The following ACOT7 variants were observed in gnomAD, a reference collection of about 807,000 sequenced individuals.
ACOT7 encodes cytosolic acyl coenzyme A thioester hydrolase.
In ACOT7, 12 loss-of-function variants were observed where a neutral mutation model predicts 40.2. The ratio of observed to expected loss-of-function variants is 0.30; its 90% confidence interval spans 0.19 to 0.48. The LOEUF (loss-of-function observed/expected upper bound fraction) is 0.48. Among genes scored for constraint, ACOT7 ranks in the 20% least tolerant of loss-of-function variants. ACOT7 has a pLI of 0.99. For synonymous variants in ACOT7, 228 were observed against 219.5 expected (o/e 1.04, Z -0.34); for missense variants, 395 against 530.8 (o/e 0.74, Z 2.51).
chr1:6,318,417 C>G (rs1640554313), intron 6 of ACOT7, 75 bp downstream of exon 6: 3 of 1,486,106 alleles, frequency 2.0e-6, no homozygotes, highest in African/African-American at 1.4e-5. Context: ...GTGTGTCAGA[C>G]AGCAGCACGG....
rs190726564 is a variant in ACOT7 at position 6,332,342 on chromosome 1, A to G, written c.510+1135T>C. ...AGGAGCTGGTCACATCTGTCCTTGGACTTGCCAATGAACTTGGGGCACAGG... is the reference window on the plus strand; with the variant it reads ...AGGAGCTGGTCACATCTGTCCTTGGGCTTGCCAATGAACTTGGGGCACAGG... On this transcript the variant is annotated intron_variant, in intron 4 of 8. Transcript: ENST00000361521. 4.1e-3 allele frequency among the ~76,000 whole-genome samples: 620 copies of G among 152,230 alleles called. 2 individuals are homozygous for G. The highest frequency in any genetic ancestry group is 0.014 in the African/African-American group (595 of 41,548).
intron 8 of ACOT7, among the ~76,000 whole-genome samples, chr1:6,266,409 G>A (rs542566855): frequency 3.0e-4 from 46 of 152,360 alleles, no homozygotes; most frequent in African/African-American, 9.9e-4. Context: ...GAGGCAGAAT[G>A]TGCTAGATCA....
chr1:6,270,040 G>C (rs922788315), intron 8 of ACOT7, among the ~76,000 whole-genome samples: 10 of 152,246 alleles, frequency 6.6e-5, no homozygotes, highest in African/African-American at 2.2e-4. Flanking sequence ...CCGCGGGGCG[G>C]TGTCTGTCCC....
At chr1:6,267,407 C>T (rs931195376) in intron 8 of ACOT7, among the ~76,000 whole-genome samples, 3 of 152,164 alleles carry the variant, frequency 2.0e-5, no homozygotes, top group South Asian at 2.1e-4. Flanking sequence ...GGGAATGGCC[C>T]GTCCAAGGCC....
At chr1:6,325,655 CAT>C (rs1640777161) in intron 5 of ACOT7, among the ~76,000 whole-genome samples, 1 of 152,178 alleles carries the variant, frequency 6.6e-6, no homozygotes, top group Admixed American at 6.6e-5. Flanking sequence ...CAGAGACACA[CAT>C]GTGAGACCAA....
At chr1:6,279,765 CCA>C (rs1307394409) in intron 8 of ACOT7, among the ~76,000 whole-genome samples, 6 of 152,174 alleles carry the variant, frequency 3.9e-5, no homozygotes, top group African/African-American at 1.4e-4. Context: ...AGCTCACACA[CCA>C]CACCTGGCGC....
Position 6,301,942 on chromosome 1 carries a change from C to T in ACOT7, c.713-6962G>A, listed in dbSNP as rs59818409. 9.7e-3 allele frequency among the ~76,000 whole-genome samples: 1,472 copies of T among 152,302 alleles called. 25 individuals are homozygous for T. The highest frequency in any genetic ancestry group is 0.033 in the African/African-American group (1,389 of 41,558). ...GGAAACCACGCAGAGTTTAGATCAG[C>T]GGCAGACCTGCTATGAAACAACAAC... On this transcript the variant is annotated intron_variant, in intron 6 of 8. Transcript: ENST00000361521. The surrounding 1 kb of genome is among the most constrained non-coding windows in gnomAD (Gnocchi z 4.1).
rs571553271 is a variant in ACOT7, at chr1:6,361,972, A to G, written c.144-12106T>C. 2.6e-5 allele frequency among the ~76,000 whole-genome samples: 4 copies of G among 152,358 alleles called. No homozygotes were observed. The East Asian group carries it at 7.7e-4, about 29-fold the overall frequency. ...TAAAGAAAAACACACACAGCTTGGC[A>G]GAGATCTGCAGATGTGGCATCCATC... On this transcript the variant is annotated intron_variant, in intron 1 of 8. Transcript: ENST00000361521.
chr1:6,327,663 T>C (rs1422611661), intron 4 of ACOT7, among the ~76,000 whole-genome samples: 1 of 152,222 alleles, frequency 6.6e-6, no homozygotes, highest in Non-Finnish European at 1.5e-5. Flanking sequence ...TGCCTACAAA[T>C]ATATAAAAAG....
intron 8 of ACOT7, among the ~76,000 whole-genome samples, chr1:6,277,622 G>A (rs1004736893): frequency 2.0e-5 from 3 of 152,302 alleles, no homozygotes; most frequent in South Asian, 2.1e-4. Flanking sequence ...TTTGGCCCTC[G>A]CCGTTCCCTT....
chr1:6,276,428 G>A (rs1024971478), intron 8 of ACOT7, among the ~76,000 whole-genome samples: 6 of 152,096 alleles, frequency 3.9e-5, no homozygotes, highest in African/African-American at 7.2e-5. Flanking sequence ...ATACGAGACC[G>A]AGACCGGGAA....
chr1:6,316,087 T>G (rs536233252), intron 6 of ACOT7, among the ~76,000 whole-genome samples: 1 of 152,274 alleles, frequency 6.6e-6, no homozygotes, highest in South Asian at 2.1e-4. Flanking sequence ...AATGCCCCAT[T>G]TAGTGAAGAA....
intron 1 of ACOT7, among the ~76,000 whole-genome samples, chr1:6,366,301 G>A (rs1642009820): frequency 6.6e-6 from 1 of 151,998 alleles, no homozygotes; most frequent in African/African-American, 2.4e-5. Flanking sequence ...TATTTCTCTG[G>A]GCCAGGCACG....
intron 6 of ACOT7, among the ~76,000 whole-genome samples, chr1:6,300,444 A>T (rs4908876): frequency 0.061 from 9,232 of 152,056 alleles, 360 homozygotes; most frequent in Non-Finnish European, 0.088. Flanking sequence ...TGAGTCCATG[A>T]CTCACAGCTG....
intron 1 of ACOT7, among the ~76,000 whole-genome samples, chr1:6,364,172 C>T (rs575481032): frequency 1.3e-5 from 2 of 150,818 alleles, no homozygotes; most frequent in South Asian, 2.1e-4. Flanking sequence ...GGCAACAAGA[C>T]GAGACTCCAC....
chr1:6,350,002 C>A, intron 1 of ACOT7, 136 bp from the exon 2 acceptor site: 2 of 853,910 alleles, frequency 2.3e-6, no homozygotes, highest in Non-Finnish European at 3.7e-6. Flanking sequence ...AATGTTTGGG[C>A]TCTTCCTAGG....
At chr1:6,378,289 C>T (rs1387721126) in intron 1 of ACOT7, among the ~76,000 whole-genome samples, 1 of 151,660 alleles carries the variant, frequency 6.6e-6, no homozygotes, top group Non-Finnish European at 1.5e-5. Context: ...CTGCTGGTGG[C>T]CGGGGTGCTC....
At chr1:6,276,163 G>A (rs1639182606) in intron 8 of ACOT7, among the ~76,000 whole-genome samples, 1 of 152,188 alleles carries the variant, frequency 6.6e-6, no homozygotes, top group African/African-American at 2.4e-5. Flanking sequence ...TGGGCCTGTA[G>A]AGGCTACAAT....
intron 6 of ACOT7, among the ~76,000 whole-genome samples, chr1:6,300,061 C>A (rs948009464): frequency 6.6e-6 from 1 of 152,186 alleles, no homozygotes; most frequent in African/African-American, 2.4e-5. Context: ...CCAGCAGGAC[C>A]GTGTGTGCTG....
Sources: allele counts gnomAD v4.1 joint callset (sites outside exome capture counted in the v4.1 genomes callset), GRCh38; gene constraint gnomAD v4.1.1; non-coding constraint Gnocchi (gnomAD v3.1); transcripts MANE v1.5; gene names NCBI Gene and HGNC (gene_info 2026-07-23, HGNC 2026-07-21).